The following CDH4 variants were observed in gnomAD, a reference collection of about 807,000 sequenced individuals.
The protein encoded by CDH4 is cadherin-4.
A neutral mutation model predicts 86.0 loss-of-function variants in CDH4; 33 were observed. That is an observed-to-expected ratio of 0.38 (90% CI 0.29 to 0.51). The LOEUF (loss-of-function observed/expected upper bound fraction) is 0.51, where lower values mean the gene tolerates loss of function less well. CDH4 is among the 20% of genes least tolerant of loss of function. The probability of loss-of-function intolerance (pLI) is 0.86; values close to 1 mark genes in which losing one functional copy is unlikely to be tolerated. For synonymous variants in CDH4, 555 were observed against 549.4 expected (o/e 1.01, Z -0.14); for missense variants, 1,114 against 1,307.4 (o/e 0.85, Z 2.28).
At chr20:61,293,201 G>C (rs1356804684) in intron 2 of CDH4, among the ~76,000 whole-genome samples, 1 of 152,172 alleles carries the variant, frequency 6.6e-6, no homozygotes, top group Admixed American at 6.5e-5. Flanking sequence ...GTAGGACTTG[G>C]CCTGCGGGTT....
chr20:61,814,432 G>A (rs1292650066), intron 4 of CDH4, among the ~76,000 whole-genome samples: 4 of 152,148 alleles, frequency 2.6e-5, no homozygotes, highest in Admixed American at 6.5e-5. Flanking sequence ...CATTGACCTG[G>A]GAGGCTGCGG....
chr20:61,457,187 C>T (rs1246092019), intron 2 of CDH4, among the ~76,000 whole-genome samples: 4 of 152,142 alleles, frequency 2.6e-5, no homozygotes, highest in Non-Finnish European at 4.4e-5. Context: ...AGACAAGGAG[C>T]GGACAAGGTC....
At position 61,591,590 on chromosome 20, in the gene CDH4, C is replaced by T. The variant is rs117205793; in HGVS notation, c.170-151973C>T. On this transcript the variant is annotated intron_variant, in intron 2 of 15. Transcript: ENST00000614565. ...TCAGATGATTGTGGATGTTATTCTT[C>T]GATGTTACTTCAAAAGTCAACAAGA... Among the ~76,000 whole-genome samples the T allele has an allele frequency of 5.9e-3, 892 of 152,240 alleles. 4 individuals carry two copies. Among genetic ancestry groups the T allele is most frequent in the Middle Eastern group, 0.01 (3 of 294 alleles).
At chr20:61,353,618 T>C (rs80309010) in intron 2 of CDH4, among the ~76,000 whole-genome samples, 186 of 1,070 alleles carry the variant, frequency 0.17, 51 homozygotes, top group Admixed American at 0.28. Context: ...CTCCTCTTCC[T>C]CCTCCTCCTC....
chr20:61,576,306 G>T (rs1485600602), intron 2 of CDH4, among the ~76,000 whole-genome samples: 1 of 152,196 alleles, frequency 6.6e-6, no homozygotes, highest in African/African-American at 2.4e-5. Flanking sequence ...TCTCTGTCAT[G>T]ATGCTTCCCC....
chr20:61,434,468 C>T (rs1442636330), intron 2 of CDH4, among the ~76,000 whole-genome samples: 1 of 152,132 alleles, frequency 6.6e-6, no homozygotes, highest in Admixed American at 6.5e-5. Context: ...TTCACCGCGG[C>T]GCTCAAAGAA....
chr20:61,506,140 A>AGTGTGT (rs2145606808), intron 2 of CDH4, among the ~76,000 whole-genome samples: 1 of 152,378 alleles, frequency 6.6e-6, no homozygotes, highest in South Asian at 2.1e-4. Flanking sequence ...AGTGTGTGAG[A>AGTGTGT]CACACTATGA....
intron 2 of CDH4, among the ~76,000 whole-genome samples, chr20:61,268,459 G>A (rs1293197294): frequency 2.0e-5 from 3 of 152,236 alleles, no homozygotes; most frequent in African/African-American, 7.2e-5. Context: ...TTGCATCAGC[G>A]AGAACTTGAA....
Position 61,516,859 on chromosome 20 carries a change from G to A in CDH4, c.170-226704G>A, listed in dbSNP as rs2085825453. On this transcript the variant is annotated intron_variant, in intron 2 of 15. Coordinates refer to ENST00000614565, the MANE Select transcript of CDH4 (RefSeq NM_001794.5). This position sits in a 1 kb window ranked among gnomAD's most constrained non-coding sequence, Gnocchi z 4.0. ...ACAGCCCCTGCTCCCCTACTCCCTGGCTCCTCGTCCTAGCAAGGAGCTCCA... is the reference window on the plus strand; with the variant it reads ...ACAGCCCCTGCTCCCCTACTCCCTGACTCCTCGTCCTAGCAAGGAGCTCCA... 6.6e-6 allele frequency among the ~76,000 whole-genome samples: 1 copy of A among 152,136 alleles called. No individual in the cohort carries two copies. The highest frequency in any genetic ancestry group is 2.4e-5 in the African/African-American group (1 of 41,424).
chr20:61,305,348 C>G lies in CDH4; in HGVS notation c.169+50411C>G, dbSNP rs566891224. On this transcript the variant is annotated intron_variant, in intron 2 of 15. Coordinates refer to ENST00000614565, the MANE Select transcript of CDH4 (RefSeq NM_001794.5). Reference sequence around the variant, plus strand: ...CAGCGACCTTACAGTCTTCAGGCATCTAGTGATCAGTGTGCTGTGAACCCC... The same window carrying G: ...CAGCGACCTTACAGTCTTCAGGCATGTAGTGATCAGTGTGCTGTGAACCCC... 3.3e-5 allele frequency among the ~76,000 whole-genome samples: 5 copies of G among 152,268 alleles called. No homozygotes were observed. The South Asian group carries it at 1.0e-3, about 32-fold the overall frequency.
At chr20:61,368,594 G>T (rs1002045744) in intron 2 of CDH4, among the ~76,000 whole-genome samples, 1 of 151,676 alleles carries the variant, frequency 6.6e-6, no homozygotes, top group Non-Finnish European at 1.5e-5. Context: ...CAGGCTCACT[G>T]CAACCTCCAC....
chr20:61,635,838 C>A (rs564572348), intron 2 of CDH4, among the ~76,000 whole-genome samples: 1 of 152,040 alleles, frequency 6.6e-6, no homozygotes. Context: ...AGAGCCTGCC[C>A]GCCCATAGTT....
At chr20:61,773,966 C>T (rs969993034) in intron 4 of CDH4, among the ~76,000 whole-genome samples, 1 of 152,210 alleles carries the variant, frequency 6.6e-6, no homozygotes, top group African/African-American at 2.4e-5. Context: ...AAGAGAGCAG[C>T]CACCAGGCAG....
intron 2 of CDH4, among the ~76,000 whole-genome samples, chr20:61,428,799 G>C (rs928881005): frequency 3.3e-5 from 5 of 152,138 alleles, no homozygotes; most frequent in African/African-American, 1.2e-4. Context: ...CTTTAATATA[G>C]ATTTTAACTA....
At chr20:61,855,459 A>T (rs1480243894) in intron 6 of CDH4, among the ~76,000 whole-genome samples, 1 of 152,206 alleles carries the variant, frequency 6.6e-6, no homozygotes, top group Non-Finnish European at 1.5e-5. Context: ...ATGAGGACAC[A>T]GGAGCCCCTC....
At chr20:61,701,042 A>G (rs6089266) in intron 2 of CDH4, among the ~76,000 whole-genome samples, 31,240 of 152,162 alleles carry the variant, frequency 0.21, 3,905 homozygotes, top group East Asian at 0.35. Flanking sequence ...AAGCCGAGGC[A>G]TCGGCAGGGG....
At chr20:61,638,736 G>A (rs576824495) in intron 2 of CDH4, among the ~76,000 whole-genome samples, 19 of 152,282 alleles carry the variant, frequency 1.2e-4, no homozygotes, top group African/African-American at 3.4e-4. Context: ...GTTTTACTTC[G>A]ACATCTGGGT....
intron 2 of CDH4, among the ~76,000 whole-genome samples, chr20:61,416,340 G>A (rs1486394178): frequency 1.3e-5 from 2 of 152,174 alleles, no homozygotes; most frequent in Non-Finnish European, 2.9e-5. Flanking sequence ...CCATCATAGG[G>A]TAGACCACAT....
At chr20:61,731,154 G>T (rs375829210) in intron 2 of CDH4, among the ~76,000 whole-genome samples, 1 of 152,026 alleles carries the variant, frequency 6.6e-6, no homozygotes, top group Non-Finnish European at 1.5e-5. Context: ...GAGGGCGTCC[G>T]AGTCCCCCCC....
Sources: gnomAD v4.1 joint callset for allele counts (sites outside exome capture counted in the v4.1 genomes callset) on GRCh38, gnomAD v4.1.1 for gene constraint, Gnocchi (gnomAD v3.1) non-coding constraint, MANE v1.5 for transcripts, NCBI Gene and HGNC (gene_info 2026-07-23, HGNC 2026-07-21) for gene names.